Variants in ABCC3 observed in about 807,000 individuals in gnomAD.
ABCC3 encodes ATP binding cassette subfamily C member 3.
In ABCC3, 121 loss-of-function variants were observed where a neutral mutation model predicts 165.3. The ratio of observed to expected loss-of-function variants is 0.73; its 90% CI spans 0.63 to 0.85. ABCC3 has a LOEUF of 0.85. Ranked by LOEUF, ABCC3 falls within the 40% of genes least tolerant of loss-of-function variation. ABCC3 has a pLI of 0.00. For missense variants in ABCC3, 1,869 were observed against 1,964.1 expected (o/e 0.95, Z 0.92); for synonymous variants, 733 against 810.1 (o/e 0.90, Z 1.62).
intron 11 of ABCC3, among the ~76,000 whole-genome samples, chr17:50,667,128 G>A (rs1367816602): frequency 6.6e-6 from 1 of 152,188 alleles, no homozygotes; most frequent in Non-Finnish European, 1.5e-5. Flanking sequence ...GGCTGAGACA[G>A]GAGGATCAAA....
At chr17:50,669,943 A>G (rs1967612332) in intron 17 of ABCC3, among the ~76,000 whole-genome samples, 1 of 151,990 alleles carries the variant, frequency 6.6e-6, no homozygotes, top group Non-Finnish European at 1.5e-5. Flanking sequence ...CCACAGGCAC[A>G]TGCCACCATA....
At position 50,654,937 on chromosome 17, in the gene ABCC3, CA is replaced by C. The variant is rs67429689; in HGVS notation, c.46-882del. Among the ~76,000 whole-genome samples, 629 of 134,134 alleles carry C rather than the reference CA, an allele frequency of 4.7e-3. 2 individuals are homozygous for C. Among genetic ancestry groups the C allele is most frequent in the Non-Finnish European group, 6.3e-3 (398 of 63,570 alleles). The allele number at this position is 134,134 out of a possible 152,430, so 88.0% of individuals were successfully genotyped here. On this transcript the variant is annotated intron_variant, in intron 1 of 30. Coordinates refer to ENST00000285238, the MANE Select transcript of ABCC3 (RefSeq NM_003786.4). ...TGAAACTCCATCTCTATTAAAAATA[CA>C]AAAAAAAAAAAATTAGCCGGGCGTA...
At chr17:50,664,269 G>A in intron 10 of ABCC3, 158 bp downstream of exon 10, 1 of 959,556 alleles carries the variant, frequency 1.0e-6, no homozygotes, top group Non-Finnish European at 1.5e-6. Context: ...AGTTCTGGCT[G>A]CAGTGCGCCA....
chr17:50,641,378 C>T (rs949904480), intron 1 of ABCC3, among the ~76,000 whole-genome samples: 13 of 152,106 alleles, frequency 8.5e-5, no homozygotes, highest in African/African-American at 2.4e-4. Flanking sequence ...GAGTAGGGAT[C>T]GTCATCCTGC....
chr17:50,681,646 C>T (rs1967931160), intron 26 of ABCC3, among the ~76,000 whole-genome samples: 1 of 152,200 alleles, frequency 6.6e-6, no homozygotes. Flanking sequence ...CATCCGCTTC[C>T]TCATCAGCCT....
intron 6 of ABCC3, 68 bp downstream of exon 6, chr17:50,658,564 G>T: frequency 6.5e-7 from 1 of 1,535,566 alleles, no homozygotes; most frequent in Non-Finnish European, 9.0e-7. Context: ...GGAGAAAGGG[G>T]AGCAGGGCAG....
At chr17:50,654,084 C>CA (rs1167057112) in intron 1 of ABCC3, among the ~76,000 whole-genome samples, 1 of 152,066 alleles carries the variant, frequency 6.6e-6, no homozygotes, top group Non-Finnish European at 1.5e-5. Context: ...GCTTGAAAGA[C>CA]AAAACCAAAC....
At chr17:50,679,725 T>G (rs932792648) in intron 25 of ABCC3, 73 bp from the exon 26 acceptor site, 8 of 1,401,906 alleles carry the variant, frequency 5.7e-6, no homozygotes, top group Non-Finnish European at 8.0e-6. Context: ...GATCCAGGAG[T>G]CTGAACTCCT....
In ABCC3 at chr17:50,668,506, C is replaced by T. The variant is rs1456726182; in HGVS notation, c.1859C>T (p.Thr620Ile). The T allele has an allele frequency of 6.2e-7, 1 of 1,613,682 alleles. No homozygotes were observed. Among genetic ancestry groups the T allele is most frequent in the Non-Finnish European group, 8.5e-7 (1 of 1,179,758 alleles). ...GACCCCCAGAGTGTGGAAAGAAAGA[C>T]CATCTCCCCAGGTCTAGAGAGCCCC... Reference protein sequence around the residue: ...ELDPQSVERKTISPGYAITIH... With the variant: ...ELDPQSVERKIISPGYAITIH... Residue 620 changes from threonine (T) to isoleucine (I), a missense_variant, in exon 14 of 31, where the codon ACC becomes ATC. Physicochemically the swap from Thr to Ile is moderately conservative, Grantham distance 89. Coordinates refer to ENST00000285238, the MANE Select transcript of ABCC3 (RefSeq NM_003786.4).
intron 1 of ABCC3, among the ~76,000 whole-genome samples, chr17:50,644,432 C>T (rs1025882568): frequency 4.0e-5 from 6 of 151,820 alleles, no homozygotes; most frequent in Admixed American, 2.6e-4. Context: ...TAGAACTTGG[C>T]CAGGCATGGT....
At chr17:50,647,350 G>A (rs1967021087) in intron 1 of ABCC3, among the ~76,000 whole-genome samples, 1 of 152,236 alleles carries the variant, frequency 6.6e-6, no homozygotes, top group African/African-American at 2.4e-5. Context: ...GCAGAGGCAG[G>A]CAAGGCCAAA....
chr17:50,669,036 G>A (rs1967585638), intron 15 of ABCC3, 104 bp from the exon 16 acceptor site: 2 of 1,593,528 alleles, frequency 1.3e-6, no homozygotes, highest in Non-Finnish European at 1.7e-6. Context: ...AGCCTGCCAG[G>A]GGGGTGTCTG....
At chr17:50,688,111 T>C (rs951043903) in intron 30 of ABCC3, among the ~76,000 whole-genome samples, 1 of 152,156 alleles carries the variant, frequency 6.6e-6, no homozygotes, top group African/African-American at 2.4e-5. Context: ...GGTTTCACCA[T>C]GTTGGCCAGG....
intron 17 of ABCC3, 96 bp from the exon 18 acceptor site, chr17:50,672,870 GAAAAA>G: frequency 2.1e-6 from 2 of 959,260 alleles, no homozygotes; most frequent in East Asian, 2.9e-5. Flanking sequence ...CCCATCTCAG[GAAAAA>G]AAAAAAAAAA....
chr17:50,677,924 C>T lies in ABCC3; in HGVS notation c.3559C>T (p.Pro1187Ser). The stretch of plus-strand genomic sequence containing the variant: ...GGATGCCAACCAGAGAAGCTGCTAC[C>T]CCTACATCATCTCCAACCGGTCAGA... ...KVDANQRSCY[P>S]YIISNRWLSI... Residue 1187 changes from proline (P) to serine (S), a missense_variant, in exon 24 of 31, where the codon CCC (proline) becomes TCC (serine). By Grantham distance (74) the Pro-to-Ser change is moderately conservative. Transcript: ENST00000285238. The T allele has an allele frequency of 1.2e-6, 2 of 1,614,122 alleles. No homozygotes were observed. Among genetic ancestry groups the T allele is most frequent in the Non-Finnish European group, 1.7e-6 (2 of 1,180,020 alleles).
intron 1 of ABCC3, among the ~76,000 whole-genome samples, chr17:50,651,619 C>T (rs990187723): frequency 2.0e-4 from 30 of 152,084 alleles, no homozygotes; most frequent in African/African-American, 6.7e-4. Context: ...GATACTTTGG[C>T]GGGGCTGAGG....
In ABCC3 at chr17:50,657,199, AG is replaced by A. The variant is rs1967271868; in HGVS notation, c.486+20del. ...CAAGGCAGAGGTAAGGTTGGGGGAG[AG>A]GGGAACCTGCCAGGTTTAGCCCTGA... On this transcript the variant is annotated intron_variant, in intron 4 of 30. Coordinates refer to ENST00000285238, the MANE Select transcript of ABCC3 (RefSeq NM_003786.4). 6.2e-7 allele frequency: 1 copy of A among 1,611,810 alleles called. No homozygotes were observed. Among genetic ancestry groups the A allele is most frequent in the Non-Finnish European group, 8.5e-7 (1 of 1,178,812 alleles).
At position 50,657,471 on chromosome 17, in the gene ABCC3, G is replaced by A. The variant is rs529370751; in HGVS notation, c.486+288G>A. ...AGTGCAATATCTGACGTGGGTGTCA[G>A]TCAGTGCCTGTGTAATGAACACATG... On this transcript the variant is annotated intron_variant, in intron 4 of 30. Coordinates refer to ENST00000285238, the MANE Select transcript of ABCC3 (RefSeq NM_003786.4). 1.1e-4 allele frequency among the ~76,000 whole-genome samples: 16 copies of A among 152,366 alleles called. 1 individual carries two copies. The South Asian group carries it at 2.9e-3, about 28-fold the overall frequency.
At chr17:50,639,767 C>CTTT (rs140428476) in intron 1 of ABCC3, among the ~76,000 whole-genome samples, 1 of 143,822 alleles carries the variant, frequency 7.0e-6, no homozygotes, top group African/African-American at 2.6e-5. Flanking sequence ...TGGATTTCTC[C>CTTT]TTTTTTTTTT....
Sources: gnomAD v4.1 joint callset for allele counts (sites outside exome capture counted in the v4.1 genomes callset) on GRCh38, gnomAD v4.1.1 for gene constraint, MANE v1.5 for transcripts, NCBI Gene and HGNC (gene_info 2026-07-23, HGNC 2026-07-21) for gene names.